The following GZMB variants were observed in gnomAD, a reference collection of about 807,000 sequenced individuals.
The protein encoded by GZMB is T-cell serine protease 1-3E.
GZMB carries 27 observed loss-of-function variants against 24.2 expected under a neutral mutation model. The observed-to-expected ratio is 1.12, with a 90% confidence interval of 0.82 to 1.54. GZMB has a LOEUF of 1.54. Ranked by LOEUF, GZMB falls within the 40% of genes most tolerant of loss-of-function variation. GZMB has a pLI of 0.00. For missense variants in GZMB, 336 were observed against 310.1 expected (o/e 1.08, Z -0.63); for synonymous variants, 121 against 115.1 (o/e 1.05, Z -0.33).
intron 2 of GZMB, 116 bp from the exon 3 acceptor site, chr14:24,632,575 A>G (rs2067007425): frequency 4.0e-6 from 6 of 1,499,200 alleles, no homozygotes; most frequent in Non-Finnish European, 5.6e-6. Context: ...TTAAGGGGAC[A>G]GTCGGTCCCC....
In GZMB at chr14:24,631,857, C is replaced by T; in HGVS notation, c.600+1G>A. On this transcript the variant is annotated splice_donor_variant, in intron 4 of 4. Transcript: ENST00000216341. LOFTEE classifies it high-confidence loss of function. ...CAATCCAGGCAGGTGCATAGTCTTA[C>T]CTTAAAGGAAGTCTTTTTAATCTCT... is the stretch of plus-strand genomic sequence containing the variant. 6.2e-7 allele frequency: 1 copy of T among 1,613,636 alleles called. No homozygotes were observed. Among genetic ancestry groups the T allele is most frequent in the East Asian group, 2.2e-5 (1 of 44,884 alleles).
Position 24,632,219 on chromosome 14 carries a change from G to A in GZMB, c.340-101C>T, listed in dbSNP as rs1407328644. ...ATCTTCCCTCTCCTCTGAGGCATAG[G>A]AACTAACCAAGAGGCCAGGATGGAA... On this transcript the variant is annotated intron_variant, in intron 3 of 4. Transcript: ENST00000216341. 2.0e-6 allele frequency: 3 copies of A among 1,505,790 alleles called. No individual in the cohort carries two copies. In the East Asian group the frequency reaches 6.8e-5, roughly 34 times the overall value. The allele number at this position is 1,505,790 out of a possible 1,614,324, so 93.3% of individuals were successfully genotyped here.
chr14:24,633,068 G>A lies in GZMB; in HGVS notation c.56-6C>T. On this transcript the variant is annotated splice_region_variant and splice_polypyrimidine_tract_variant and intron_variant, in intron 1 of 4. Transcript: ENST00000216341. ...ATGTCCCCCGATGATCTCCCCTGAA[G>A]GAAAAGTCTGTCTGCTTGTGGGCAC... is the stretch of plus-strand genomic sequence containing the variant. 6.3e-7 allele frequency: 1 copy of A among 1,595,014 alleles called. No homozygotes were observed.
In GZMB at chr14:24,632,385, C is replaced by G. The variant is rs778951600; in HGVS notation, c.278G>C (p.Arg93Thr). 10 of 1,612,886 alleles carry G rather than the reference C, an allele frequency of 6.2e-6. No individual in the cohort carries two copies. In the South Asian group the frequency reaches 7.7e-5, roughly 12 times the overall value. ...ATTATAGGCTGGATGGGGGATGGGT[C>G]TTTTCACAGGGATAAACTGCTGGGT... ...EPTQQFIPVK[R>T]PIPHPAYNPK... Residue 93 changes from arginine to threonine, a missense_variant, in exon 3 of 5, where the codon AGA (arginine) becomes ACA (threonine). Arg to Thr is a moderately conservative substitution (Grantham distance 71, BLOSUM62 -1). Coordinates refer to ENST00000216341, the MANE Select transcript of GZMB (RefSeq NM_004131.6).
chr14:24,632,001 G>T lies in GZMB; in HGVS notation c.457C>A (p.Leu153Met), dbSNP rs754450066. Residue 153 changes from leucine (L) to methionine (M), a missense_variant, in exon 4 of 5, where the codon CTG becomes ATG. By Grantham distance (15) the Leu-to-Met change is conservative (BLOSUM62 2). Coordinates refer to ENST00000216341, the MANE Select transcript of GZMB (RefSeq NM_004131.6). ...TGTAGTGTGTGTGAGTGTTTTCCCA[G>T]GGGGGCCGTCTGCCCCCAGCCGGCC... ...SVAGWGQTAP[L>M]GKHSHTLQEV... 7 of 1,613,948 alleles carry T rather than the reference G, an allele frequency of 4.3e-6. No homozygotes were observed. Among genetic ancestry groups the T allele is most frequent in the Non-Finnish European group, 5.9e-6 (7 of 1,179,960 alleles).
At chr14:24,633,611 A>C (rs1019657474) in intron 1 of GZMB, among the ~76,000 whole-genome samples, 4 of 152,154 alleles carry the variant, frequency 2.6e-5, no homozygotes, top group Admixed American at 2.6e-4. Context: ...CCTTGGAAAG[A>C]GGGGAGCCAC....
chr14:24,631,846 G>C lies in GZMB; in HGVS notation c.600+12C>G. 2 of 1,611,738 alleles carry C rather than the reference G, an allele frequency of 1.2e-6. No individual in the cohort carries two copies. Among genetic ancestry groups the C allele is most frequent in the Non-Finnish European group, 1.7e-6 (2 of 1,177,824 alleles). On this transcript the variant is annotated intron_variant, in intron 4 of 4. Transcript: ENST00000216341. ...CTCCCAAGAGCCAATCCAGGCAGGT[G>C]CATAGTCTTACCTTAAAGGAAGTCT...
At chr14:24,631,401 C>T in intron 4 of GZMB, 187 bp from the exon 5 acceptor site, 2 of 586,514 alleles carry the variant, frequency 3.4e-6, no homozygotes, top group Non-Finnish European at 3.0e-6. Context: ...TGCTTCACCT[C>T]ATCCCAGGGG....
At chr14:24,634,036 G>A in intron 1 of GZMB, 70 bp downstream of exon 1, 5 of 1,305,222 alleles carry the variant, frequency 3.8e-6, no homozygotes, top group Non-Finnish European at 5.4e-6. Context: ...AGATGGATCA[G>A]GAATGTGGAG....
chr14:24,631,955 T>C lies in GZMB; in HGVS notation c.503A>G (p.Gln168Arg). The C allele has an allele frequency of 6.2e-7, 1 of 1,614,224 alleles. No homozygotes were observed. Among genetic ancestry groups the C allele is most frequent in the Non-Finnish European group, 8.5e-7 (1 of 1,180,010 alleles). ...GTCAGATTCGCACTTTCGATCTTCC[T>C]GCACTGTCATCTTCACCTCTTGTAG... The part of the protein sequence containing the change: ...HTLQEVKMTV[Q>R]EDRKCESDLR... The change falls in exon 4 of 5, where the codon CAG becomes CGG. Residue 168 changes from glutamine (Q) to arginine (R), a missense_variant. Transcript: ENST00000216341.
Position 24,634,086 on chromosome 14 carries a change from G to A in GZMB, c.55+20C>T, listed in dbSNP as rs1367350049. The A allele has an allele frequency of 6.3e-7, 1 of 1,583,534 alleles. No homozygotes were observed. The highest frequency in any genetic ancestry group is 8.6e-7 in the Non-Finnish European group (1 of 1,165,170). On this transcript the variant is annotated intron_variant, in intron 1 of 4. Coordinates refer to ENST00000216341, the MANE Select transcript of GZMB (RefSeq NM_004131.6). ...CTGTGGGATGGGGTTGGGCCCCCGA[G>A]GGTGGAGACGGTCACTCACCTGCAT...
chr14:24,631,465 G>A (rs951302616), intron 4 of GZMB: 11 of 555,334 alleles, frequency 2.0e-5, no homozygotes, highest in Non-Finnish European at 3.5e-5. Context: ...TGGGACCGTT[G>A]GCTGTTTAAG....
Position 24,632,421 on chromosome 14 carries a change from T to A in GZMB, c.242A>T (p.Glu81Val). The A allele has an allele frequency of 1.2e-6, 2 of 1,613,134 alleles. No individual in the cohort carries two copies. The highest frequency in any genetic ancestry group is 1.7e-6 in the Non-Finnish European group (2 of 1,179,664). ...GATAAACTGCTGGGTCGGCTCCTGT[T>A]CTTTGATATTGTGGGCCCCCAAGGT... ...NVTLGAHNIK[E>V]QEPTQQFIPV... The change falls in exon 3 of 5, where the codon GAA becomes GTA. Residue 81 changes from glutamate (E) to valine (V), a missense_variant. Glu to Val is a moderately radical substitution (Grantham distance 121, BLOSUM62 -2). Coordinates refer to ENST00000216341, the MANE Select transcript of GZMB (RefSeq NM_004131.6).
At position 24,631,886 on chromosome 14, in the gene GZMB, TC is replaced by T; in HGVS notation, c.571del (p.Asp191ThrfsTer50). The T allele has an allele frequency of 6.2e-7, 1 of 1,613,822 alleles. No homozygotes were observed. Among genetic ancestry groups the T allele is most frequent in the African/African-American group, 1.3e-5 (1 of 75,016 alleles). On this transcript the variant is annotated frameshift_variant, in exon 4 of 5. Coordinates refer to ENST00000216341, the MANE Select transcript of GZMB (RefSeq NM_004131.6). LOFTEE classifies it low-confidence loss of function (END_TRUNC). ...YDSTIELCVGDPEIKKTSFKG... is the reference protein window; with the variant it reads ...YDSTIELCVGXPEIKKTSFKG... ...AAAGGAAGTCTTTTTAATCTCTGGG[TC>T]CCCCACGCACAACTCAATGGTACTG...
rs2066989076 is a variant in GZMB at position 24,630,963 on chromosome 14, C to T, written c.*108G>A. ...TAAACAAGAAACCAGCTTTTCCACT[C>T]AGCTAAGAGGTATTTATTCAGTTGC... On this transcript the variant is annotated 3_prime_UTR_variant, in exon 5 of 5. Coordinates refer to ENST00000216341, the MANE Select transcript of GZMB (RefSeq NM_004131.6). 1 of 817,322 alleles carries T rather than the reference C, an allele frequency of 1.2e-6. No individual in the cohort carries two copies. The highest frequency in any genetic ancestry group is 2.1e-6 in the Non-Finnish European group (1 of 485,812). The allele number at this position is 817,322 out of a possible 1,614,324, so 50.6% of individuals were successfully genotyped here.
At chr14:24,632,567 A>C in intron 2 of GZMB, 108 bp from the exon 3 acceptor site, 9 of 1,550,834 alleles carry the variant, frequency 5.8e-6, no homozygotes, top group Non-Finnish European at 8.0e-6. Context: ...AGGGGAAATT[A>C]AGGGGACAGT....
rs767736704 is a variant in GZMB, at chr14:24,633,047, C to T, written c.71G>A (p.Gly24Glu). 3.1e-6 allele frequency: 5 copies of T among 1,609,364 alleles called. No individual in the cohort carries two copies. Among genetic ancestry groups the T allele is most frequent in the East Asian group, 2.2e-5 (1 of 44,770 alleles). ...PRADAGEIIG[G>E]HEAKPHSRPY... is the part of the protein sequence containing the mutation. ...GCGGGAGTGGGGCTTGGCCTCATGT[C>T]CCCCGATGATCTCCCCTGAAGGAAA... is the stretch of plus-strand genomic sequence containing the variant. The change falls in exon 2 of 5, where the codon GGA becomes GAA. Residue 24 changes from glycine to glutamate, a missense_variant. By Grantham distance (98) the Gly-to-Glu change is moderately conservative. Coordinates refer to ENST00000216341, the MANE Select transcript of GZMB (RefSeq NM_004131.6).
intron 4 of GZMB, chr14:24,631,462 G>A (rs1026307771): frequency 1.1e-5 from 6 of 555,640 alleles, no homozygotes; most frequent in East Asian, 2.9e-5. Flanking sequence ...ATGTGGGACC[G>A]TTGGCTGTTT....
chr14:24,634,125 C>A lies in GZMB; in HGVS notation c.36G>T (p.Leu12=). 1 of 1,595,144 alleles carries A rather than the reference C, an allele frequency of 6.3e-7. No homozygotes were observed. The highest frequency in any genetic ancestry group is 1.2e-5 in the South Asian group (1 of 86,870). The part of the protein sequence containing the change: ...QPILLLLAFL[L]LPRADAGEII... ...ACTCACCTGCATCTGCCCTGGGCAG[C>A]AGGAGGAAGGCCAGCAGAAGCAGGA... Residue 12 remains leucine, a synonymous_variant, in exon 1 of 5, where the codon CTG becomes CTT. Coordinates refer to ENST00000216341, the MANE Select transcript of GZMB (RefSeq NM_004131.6).
Sources: gnomAD v4.1 joint callset for allele counts (sites outside exome capture counted in the v4.1 genomes callset) on GRCh38, gnomAD v4.1.1 for gene constraint, MANE v1.5 for transcripts, NCBI Gene and HGNC (gene_info 2026-07-23, HGNC 2026-07-21) for gene names.